The following PRKACB variants were observed in gnomAD, a reference collection of about 807,000 sequenced individuals.
PRKACB encodes the protein cAMP-dependent protein kinase catalytic subunit beta.
Under a neutral mutation model 51.4 loss-of-function variants are expected in PRKACB, and 16 were observed. That is an observed-to-expected ratio of 0.31 (90% CI 0.21 to 0.47). The LOEUF is 0.47. Among genes scored for constraint, PRKACB ranks in the 20% least tolerant of loss-of-function variants. The probability of loss-of-function intolerance (pLI) is 1.00; values close to 1 mark genes in which losing one functional copy is unlikely to be tolerated. For missense variants in PRKACB, 309 were observed against 464.5 expected (o/e 0.67, Z 3.08); for synonymous variants, 147 against 154.4 (o/e 0.95, Z 0.35).
chr1:84,119,828 C>A (rs1034023150), intron 1 of PRKACB, among the ~76,000 whole-genome samples: 4 of 152,014 alleles, frequency 2.6e-5, no homozygotes, highest in Admixed American at 2.0e-4. Context: ...ATAAATTTCC[C>A]ACTGCAGCAT....
At chr1:84,104,511 G>T (rs1649584796) in intron 1 of PRKACB, among the ~76,000 whole-genome samples, 1 of 152,114 alleles carries the variant, frequency 6.6e-6, no homozygotes. Flanking sequence ...CATTGGGATT[G>T]CTGGATTATA....
intron 1 of PRKACB, 22 bp downstream of exon 1, chr1:84,144,570 A>G: frequency 6.5e-7 from 1 of 1,543,126 alleles, no homozygotes; most frequent in South Asian, 1.2e-5. Flanking sequence ...TTTTTAAATG[A>G]TACATTATAA....
At chr1:84,147,045 T>G (rs1654195087) in intron 1 of PRKACB, among the ~76,000 whole-genome samples, 1 of 152,052 alleles carries the variant, frequency 6.6e-6, no homozygotes, top group African/African-American at 2.4e-5. Flanking sequence ...TTTATTATAG[T>G]TAGCTTTTTA....
At chr1:84,211,275 T>A (rs899043988) in intron 8 of PRKACB, among the ~76,000 whole-genome samples, 1 of 152,170 alleles carries the variant, frequency 6.6e-6, no homozygotes, top group African/African-American at 2.4e-5. Context: ...AATTTATATG[T>A]AGTACATTAC....
intron 1 of PRKACB, among the ~76,000 whole-genome samples, chr1:84,082,743 C>T (rs1647649882): frequency 6.6e-6 from 1 of 152,098 alleles, no homozygotes; most frequent in Non-Finnish European, 1.5e-5. Flanking sequence ...TGACTAGTAC[C>T]ACTGAGAAAC....
chr1:84,180,504 A>G (rs528759566), intron 2 of PRKACB, among the ~76,000 whole-genome samples: 2 of 151,946 alleles, frequency 1.3e-5, no homozygotes, highest in South Asian at 4.2e-4. Flanking sequence ...CCAAAATTTC[A>G]CAAATCATCA....
In PRKACB at chr1:84,144,288, C is replaced by T. The variant is rs1416955835; in HGVS notation, c.-74C>T. On this transcript the variant is annotated 5_prime_UTR_variant, in exon 1 of 10. Transcript: ENST00000370685. ...AGTTTGACACATGCATAGCTCTTAG[C>T]TTCTGTGTAAGAAGTTGTGAGCTCC... 1 of 1,568,796 alleles carries T rather than the reference C, an allele frequency of 6.4e-7. No homozygotes were observed. Among genetic ancestry groups the T allele is most frequent in the Non-Finnish European group, 8.6e-7 (1 of 1,163,834 alleles).
chr1:84,091,193 A>T (rs950804614), intron 1 of PRKACB, among the ~76,000 whole-genome samples: 4 of 152,122 alleles, frequency 2.6e-5, no homozygotes, highest in Non-Finnish European at 5.9e-5. Flanking sequence ...CTGAGACGAG[A>T]AGAAAGAAGA....
rs551107617 is a variant in PRKACB at position 84,154,459 on chromosome 1, A to C, written c.187+9911A>C. ...ACAAAATAAAACCTAGTAGTATTTCATGGCTTCACTGGTGAATTTCTATCA... is the reference window on the plus strand; with the variant it reads ...ACAAAATAAAACCTAGTAGTATTTCCTGGCTTCACTGGTGAATTTCTATCA... On this transcript the variant is annotated intron_variant, in intron 1 of 9. Transcript: ENST00000370685. Among the ~76,000 whole-genome samples, 5 of 152,284 alleles carry C rather than the reference A, an allele frequency of 3.3e-5. No individual in the cohort carries two copies. In the South Asian group the frequency reaches 1.0e-3, roughly 32 times the overall value.
At chr1:84,131,619 C>T (rs1246976899) in intron 1 of PRKACB, among the ~76,000 whole-genome samples, 1 of 152,056 alleles carries the variant, frequency 6.6e-6, no homozygotes, top group East Asian at 1.9e-4. Context: ...TTGTTTTCTT[C>T]CCCCCATCAG....
chr1:84,146,495 T>G (rs1654096235), intron 1 of PRKACB, among the ~76,000 whole-genome samples: 1 of 151,952 alleles, frequency 6.6e-6, no homozygotes, highest in African/African-American at 2.4e-5. Flanking sequence ...ACAATTTTTA[T>G]TTATTTGGCG....
rs1668315072 is a variant in PRKACB, at chr1:84,196,636, A to G, written c.581A>G (p.Tyr194Cys). ...TGCAGTGAGCCCCATGCACGGTTCTATGCAGCTCAGATAGTGCTAACATTC... is the reference window on the plus strand; with the variant it reads ...TGCAGTGAGCCCCATGCACGGTTCTGTGCAGCTCAGATAGTGCTAACATTC... ...GRFSEPHARF[Y>C]AAQIVLTFEY... is the part of the protein sequence containing the mutation. Residue 194 changes from tyrosine to cysteine, a missense_variant, in exon 6 of 10, where the codon TAT becomes TGT. By Grantham distance (194) the Tyr-to-Cys change is radical. Coordinates refer to ENST00000370685, the MANE Select transcript of PRKACB (RefSeq NM_182948.4). The G allele has an allele frequency of 3.7e-6, 6 of 1,613,580 alleles. No homozygotes were observed. The highest frequency in any genetic ancestry group is 1.3e-5 in the African/African-American group (1 of 74,902).
chr1:84,185,062 A>G (rs1403104398), intron 4 of PRKACB, 38 bp from the exon 5 acceptor site: 1 of 1,249,040 alleles, frequency 8.0e-7, no homozygotes, highest in Non-Finnish European at 1.1e-6. Flanking sequence ...ATTTTGACCT[A>G]AGTTGAATAA....
chr1:84,080,344 C>T (rs1363524383), intron 1 of PRKACB, among the ~76,000 whole-genome samples: 1 of 152,152 alleles, frequency 6.6e-6, no homozygotes, highest in Non-Finnish European at 1.5e-5. Flanking sequence ...AAATGTTTAT[C>T]TGAACATATT....
At chr1:84,198,190 T>C (rs573854917) in intron 7 of PRKACB, among the ~76,000 whole-genome samples, 10 of 152,280 alleles carry the variant, frequency 6.6e-5, no homozygotes, top group South Asian at 4.1e-4. Context: ...TAGTTGTCCA[T>C]TCTTTCTTTG....
rs546182183 is a variant in PRKACB, at chr1:84,089,702, C to T, written c.46+11331C>T. Among the ~76,000 whole-genome samples, 3 of 152,246 alleles carry T rather than the reference C, an allele frequency of 2.0e-5. No homozygotes were observed. In the South Asian group the frequency reaches 6.2e-4, roughly 32 times the overall value. On this transcript the variant is annotated intron_variant, in intron 1 of 8. Coordinates refer to the PRKACB transcript ENST00000370688. Reference sequence around the variant, plus strand: ...TTCTTTGACCATGTTATCTCCTATTCCCCTTTTGTTCATTCAGATGTCTAG... The same window carrying T: ...TTCTTTGACCATGTTATCTCCTATTTCCCTTTTGTTCATTCAGATGTCTAG...
At chr1:84,175,250 C>G (rs911925829) in intron 1 of PRKACB, among the ~76,000 whole-genome samples, 2 of 151,260 alleles carry the variant, frequency 1.3e-5, no homozygotes, top group Non-Finnish European at 3.0e-5. Context: ...ATTGTAATTT[C>G]TTGTGTGGTA....
intron 1 of PRKACB, among the ~76,000 whole-genome samples, chr1:84,146,444 G>A (rs530489630): frequency 9.9e-5 from 15 of 151,998 alleles, no homozygotes; most frequent in African/African-American, 2.9e-4. Context: ...AGAGGAATCC[G>A]ATCATTTCAA....
chr1:84,164,869 T>C (rs1656881459), intron 1 of PRKACB: 1 of 1,383,418 alleles, frequency 7.2e-7, no homozygotes, highest in Non-Finnish European at 9.4e-7. Context: ...AAGAAAGCTC[T>C]TTTCGTTTTC....
Sources: gnomAD v4.1 joint callset for allele counts (sites outside exome capture counted in the v4.1 genomes callset) on GRCh38, gnomAD v4.1.1 for gene constraint, MANE v1.5 for transcripts, NCBI Gene and HGNC (gene_info 2026-07-23, HGNC 2026-07-21) for gene names.